LOXL2: variants seen among roughly 807,000 people sequenced by gnomAD.
The protein encoded by LOXL2 is lysyl oxidase like 2.
LOXL2 carries 70 observed loss-of-function variants against 93.0 expected under a neutral mutation model. That is an observed-to-expected ratio of 0.75 (90% CI 0.62 to 0.92). LOXL2 has a LOEUF of 0.92. Ranked by LOEUF, LOXL2 falls within the 40% of genes least tolerant of loss-of-function variation. The probability of loss-of-function intolerance (pLI) is 0.00; values close to 1 mark genes in which losing one functional copy is unlikely to be tolerated. For synonymous variants in LOXL2, 438 were observed against 413.2 expected (o/e 1.06, Z -0.73); for missense variants, 973 against 1,054.9 (o/e 0.92, Z 1.08).
At chr8:23,335,471 T>C (rs1803774029) in intron 4 of LOXL2, among the ~76,000 whole-genome samples, 1 of 152,012 alleles carries the variant, frequency 6.6e-6, no homozygotes, top group South Asian at 2.1e-4. Context: ...AAAACTGTAT[T>C]TGTTAAAGAA....
chr8:23,303,519 G>A, intron 10 of LOXL2, 122 bp from the exon 11 acceptor site: 2 of 645,194 alleles, frequency 3.1e-6, no homozygotes, highest in Admixed American at 2.3e-5. Context: ...GGCCGGGTGG[G>A]GAGAGGAGTG....
intron 1 of LOXL2, among the ~76,000 whole-genome samples, chr8:23,402,270 C>T (rs958494427): frequency 1.3e-5 from 2 of 152,200 alleles, no homozygotes; most frequent in Non-Finnish European, 2.9e-5. Flanking sequence ...GAGACACACA[C>T]ATGCACACAT....
intron 5 of LOXL2, among the ~76,000 whole-genome samples, chr8:23,333,147 AC>A (rs1803732620): frequency 1.3e-5 from 2 of 152,064 alleles, no homozygotes; most frequent in South Asian, 4.1e-4. Flanking sequence ...CTGTCGCACA[AC>A]CCTTCATCGT....
At chr8:23,335,331 G>A (rs1295873273) in intron 4 of LOXL2, among the ~76,000 whole-genome samples, 3 of 152,152 alleles carry the variant, frequency 2.0e-5, no homozygotes, top group Non-Finnish European at 2.9e-5. Flanking sequence ...CCAAAGTGCT[G>A]GGATTATAGG....
At chr8:23,309,141 T>C (rs7841707) in intron 10 of LOXL2, among the ~76,000 whole-genome samples, 29,301 of 151,768 alleles carry the variant, frequency 0.19, 5,505 homozygotes, top group African/African-American at 0.49. Context: ...TCCACCACCA[T>C]GCCCGGCTAA....
intron 3 of LOXL2, among the ~76,000 whole-genome samples, chr8:23,347,160 CACACACAA>C (rs1235896379): frequency 3.2e-5 from 3 of 93,572 alleles, no homozygotes; most frequent in Non-Finnish European, 2.0e-5. Flanking sequence ...CTCTACTAAA[CACACACAA>C]ACACACACAC....
At chr8:23,380,715 G>C (rs1326955582) in intron 1 of LOXL2, among the ~76,000 whole-genome samples, 1 of 152,046 alleles carries the variant, frequency 6.6e-6, no homozygotes, top group Non-Finnish European at 1.5e-5. Flanking sequence ...ACAAACAAGT[G>C]AAAGGAAGAA....
intron 1 of LOXL2, among the ~76,000 whole-genome samples, chr8:23,383,363 G>T (rs555404709): frequency 3.5e-4 from 54 of 152,206 alleles, no homozygotes; most frequent in Middle Eastern, 3.4e-3. Context: ...ATAATGTGAA[G>T]ATCCCTAGCA....
At chr8:23,395,210 C>A (rs552087809) in intron 1 of LOXL2, among the ~76,000 whole-genome samples, 2 of 151,450 alleles carry the variant, frequency 1.3e-5, no homozygotes, top group African/African-American at 4.9e-5. Flanking sequence ...GCCGAGATGG[C>A]GCCACTGCAC....
rs566638427 is a variant in LOXL2, at chr8:23,309,794, G to A, written c.1754C>T (p.Ala585Val). ...GTAGCCCGTGGTGGGGTCGGTCTGCGCGGCTGAGGCCGAGAGGCAGTTCTC... is the reference window on the plus strand; with the variant it reads ...GTAGCCCGTGGTGGGGTCGGTCTGCACGGCTGAGGCCGAGAGGCAGTTCTC... ...MEENCLSASAAQTDPTTGYRR... is the reference protein window; with the variant it reads ...MEENCLSASAVQTDPTTGYRR... The change falls in exon 10 of 14, where the codon GCG becomes GTG. Residue 585 changes from alanine (A) to valine (V), a missense_variant. Ala to Val is a moderately conservative substitution (Grantham distance 64). Transcript: ENST00000389131. 1.1e-5 allele frequency: 18 copies of A among 1,604,106 alleles called. No homozygotes were observed. Among genetic ancestry groups the A allele is most frequent in the Admixed American group, 1.0e-4 (6 of 58,328 alleles).
intron 3 of LOXL2, among the ~76,000 whole-genome samples, chr8:23,347,521 A>G (rs35275348): frequency 0.6 from 90,929 of 151,772 alleles, 27,926 homozygotes; most frequent in African/African-American, 0.74. Flanking sequence ...AATTAGCCAG[A>G]CATCTGTAAT....
chr8:23,375,217 T>G (rs542665478), intron 1 of LOXL2, among the ~76,000 whole-genome samples: 249 of 152,250 alleles, frequency 1.6e-3, no homozygotes, highest in African/African-American at 4.9e-3. Flanking sequence ...TTTCCCCATT[T>G]CTTGTTTTTG....
intron 1 of LOXL2, among the ~76,000 whole-genome samples, chr8:23,385,055 C>T (rs1804738356): frequency 7.2e-6 from 1 of 139,348 alleles, no homozygotes; most frequent in Admixed American, 7.4e-5. Context: ...AGCAATTCCA[C>T]AGCAGTTTCC....
At chr8:23,312,218 G>T (rs551106084) in intron 9 of LOXL2, among the ~76,000 whole-genome samples, 1 of 151,466 alleles carries the variant, frequency 6.6e-6, no homozygotes, top group Non-Finnish European at 1.5e-5. Context: ...TCTACCAGAG[G>T]TATAAGGAGG....
chr8:23,402,262 G>C (rs1800161904), intron 1 of LOXL2, among the ~76,000 whole-genome samples: 1 of 151,376 alleles, frequency 6.6e-6, no homozygotes, highest in Non-Finnish European at 1.5e-5. Context: ...CTCGTGTGGA[G>C]ACACACACAT....
intron 1 of LOXL2, among the ~76,000 whole-genome samples, chr8:23,398,901 G>A (rs556187024): frequency 1.6e-4 from 25 of 152,248 alleles, no homozygotes; most frequent in Middle Eastern, 3.4e-3. Context: ...CGCTGGTCAC[G>A]GTAGAAGGGC....
At position 23,368,056 on chromosome 8, in the gene LOXL2, T is replaced by C; in HGVS notation, c.296A>G (p.Glu99Gly). ...SIHAAHVVCR[E>G]LGYVEAKSWT... ...GGACTTGGCCTCCACGTAGCCCAGC[T>C]CCCGGCAGACGACGTGGGCAGCGTG... Residue 99 changes from glutamate to glycine, a missense_variant, in exon 2 of 14, where the codon GAG becomes GGG. Coordinates refer to ENST00000389131, the MANE Select transcript of LOXL2 (RefSeq NM_002318.3). The C allele has an allele frequency of 6.2e-7, 1 of 1,613,998 alleles. No individual in the cohort carries two copies. Among genetic ancestry groups the C allele is most frequent in the East Asian group, 2.2e-5 (1 of 44,878 alleles).
At chr8:23,372,674 A>G (rs1804516027) in intron 1 of LOXL2, among the ~76,000 whole-genome samples, 1 of 152,252 alleles carries the variant, frequency 6.6e-6, no homozygotes, top group Non-Finnish European at 1.5e-5. Flanking sequence ...ACAGTTTACG[A>G]TAATGAAAGT....
chr8:23,399,431 C>T (rs1180614638), intron 1 of LOXL2, among the ~76,000 whole-genome samples: 3 of 152,160 alleles, frequency 2.0e-5, no homozygotes, highest in Non-Finnish European at 2.9e-5. Context: ...GAGTGCTCTG[C>T]CCTCATAAAC....
Sources: gnomAD v4.1 joint callset for allele counts (sites outside exome capture counted in the v4.1 genomes callset) on GRCh38, gnomAD v4.1.1 for gene constraint, MANE v1.5 for transcripts, NCBI Gene and HGNC (gene_info 2026-07-23, HGNC 2026-07-21) for gene names.